The following CNKSR3 variants were observed in gnomAD, a reference collection of about 807,000 sequenced individuals.
CNKSR3 encodes connector enhancer of kinase suppressor of ras 3.
A neutral mutation model predicts 67.7 loss-of-function variants in CNKSR3; 36 were observed. The observed-to-expected ratio is 0.53, with a 90% CI of 0.41 to 0.70. CNKSR3 has a LOEUF of 0.70. CNKSR3 is among the 30% of genes least tolerant of loss of function. CNKSR3 has a pLI of 0.00. For missense variants in CNKSR3, 630 were observed against 695.2 expected, an observed-to-expected ratio of 0.91 and a Z score of 1.05; for synonymous variants, 281 against 271.4, an observed-to-expected ratio of 1.04 and a Z score of -0.35.
chr6:154,449,153 T>G (rs1785770431), intron 2 of CNKSR3, among the ~76,000 whole-genome samples: 1 of 152,248 alleles, frequency 6.6e-6, no homozygotes, highest in Non-Finnish European at 1.5e-5. Flanking sequence ...AAACCCATCA[T>G]CTACAAAATG....
At chr6:154,433,663 G>A (rs2128716139) in intron 4 of CNKSR3, 156 bp from the exon 5 acceptor site, 2 of 617,726 alleles carry the variant, frequency 3.2e-6, no homozygotes, top group East Asian at 2.8e-5. Flanking sequence ...GGGAATGAGA[G>A]GGCAGAGTGG....
At chr6:154,428,243 C>A (rs892282061) in intron 6 of CNKSR3, 56 bp from the exon 7 acceptor site, 3 of 1,060,076 alleles carry the variant, frequency 2.8e-6, no homozygotes, top group Non-Finnish European at 4.4e-6. Flanking sequence ...AGACATAGCC[C>A]CGAGTGAGAC....
At position 154,405,727 on chromosome 6, in the gene CNKSR3, G is replaced by A. The variant is rs1191681838; in HGVS notation, c.*627C>T. 1.3e-5 allele frequency: 2 copies of A among 152,160 alleles called. No individual in the cohort carries two copies. The highest frequency in any genetic ancestry group is 2.9e-5 in the Non-Finnish European group (2 of 68,096). The allele number at this position is 152,160 out of a possible 1,614,324, so 9.4% of individuals were successfully genotyped here. A position where few individuals can be genotyped will look rare whatever the true frequency, so the allele number is the denominator to read the frequency against. On this transcript the variant is annotated 3_prime_UTR_variant, in exon 13 of 13. Transcript: ENST00000607772. ...TGTGTGAAATAAGCCCTATCAAAAT[G>A]TGTTCATGTATTTCTGTACCAACTG...
chr6:154,416,398 C>T (rs73011467), intron 9 of CNKSR3, among the ~76,000 whole-genome samples: 3 of 152,138 alleles, frequency 2.0e-5, no homozygotes, highest in Admixed American at 2.0e-4. Context: ...TCTATCAATT[C>T]TACTCAATTT....
intron 12 of CNKSR3, among the ~76,000 whole-genome samples, chr6:154,407,236 T>C (rs1311092661): frequency 4.6e-5 from 7 of 152,226 alleles, no homozygotes; most frequent in Non-Finnish European, 1.0e-4. Context: ...GTCCCCGCGA[T>C]GGCTGAACAG....
At chr6:154,500,494 G>C (rs755636116) in intron 1 of CNKSR3, among the ~76,000 whole-genome samples, 13 of 152,124 alleles carry the variant, frequency 8.5e-5, no homozygotes, top group Non-Finnish European at 1.5e-4. Flanking sequence ...ACTCACAGCT[G>C]GGTGTGAGCA....
At chr6:154,434,279 T>C (rs561302853) in intron 4 of CNKSR3, among the ~76,000 whole-genome samples, 8 of 150,852 alleles carry the variant, frequency 5.3e-5, no homozygotes, top group East Asian at 1.9e-4. Context: ...CTAGAACTCA[T>C]CTGTAGCAAA....
rs147578736 is a variant in CNKSR3, at chr6:154,508,987, T to G, written c.52+1076A>C. On this transcript the variant is annotated intron_variant, in intron 1 of 12. Transcript: ENST00000607772. ...TATTACCTACCTCACAGGCTTACTG[T>G]GATGACCAAGGACAATAACAGAGAG... Among the ~76,000 whole-genome samples the G allele has an allele frequency of 5.0e-3, 769 of 152,300 alleles. 5 individuals are homozygous for G. Among genetic ancestry groups the G allele is most frequent in the African/African-American group, 0.017 (721 of 41,544 alleles).
intron 7 of CNKSR3, 70 bp from the exon 8 acceptor site, chr6:154,423,053 T>C: frequency 9.4e-7 from 1 of 1,059,836 alleles, no homozygotes; most frequent in Non-Finnish European, 1.4e-6. Flanking sequence ...TTATTTCTTC[T>C]TTCTTCTGTA....
chr6:154,394,614 T>TAAAAAAAAAAAA lies in CNKSR3; in HGVS notation c.*11728_*11739dup, dbSNP rs67203207. ...TATAGCATGAGCCTAATACAAGAAG[T>TAAAAAAAAAAAA]AAAAAAAAAAAAAAAAAAAAAGAAG... On this transcript the variant is annotated 3_prime_UTR_variant, in exon 13 of 13. Transcript: ENST00000607772. 2.2e-4 allele frequency: 15 copies of TAAAAAAAAAAAA among 67,588 alleles called. No individual in the cohort carries two copies. The highest frequency in any genetic ancestry group is 3.8e-4 in the African/African-American group (7 of 18,314). The allele number at this position is 67,588 out of a possible 1,614,324, so 4.2% of individuals were successfully genotyped here. A position where few individuals can be genotyped will look rare whatever the true frequency, so the allele number is the denominator to read the frequency against.
In CNKSR3 at chr6:154,388,345, C is replaced by T. The variant is rs1784571225; in HGVS notation, c.*18009G>A. 1 of 152,134 alleles carries T rather than the reference C, an allele frequency of 6.6e-6. No homozygotes were observed. Among genetic ancestry groups the T allele is most frequent in the Non-Finnish European group, 1.5e-5 (1 of 68,018 alleles). The allele number at this position is 152,134 out of a possible 1,614,324, so 9.4% of individuals were successfully genotyped here. ...ATGTTGTTGAATAATTGCAGAATTT[C>T]CTTCTTTTTAAAAGCTAAATAGTAT... On this transcript the variant is annotated 3_prime_UTR_variant, in exon 13 of 13. Transcript: ENST00000607772.
chr6:154,463,320 G>A (rs113404799), intron 1 of CNKSR3, among the ~76,000 whole-genome samples: 3,172 of 152,084 alleles, frequency 0.021, 39 homozygotes, highest in Non-Finnish European at 0.029. Context: ...TGATCGGCCC[G>A]CCTCGGCCTC....
chr6:154,415,718 AG>A (rs1785011530), intron 9 of CNKSR3, among the ~76,000 whole-genome samples: 2 of 152,248 alleles, frequency 1.3e-5, no homozygotes, highest in South Asian at 2.1e-4. Context: ...CGTTTATTTT[AG>A]TACTATTTAT....
chr6:154,503,861 T>C (rs980210831), intron 1 of CNKSR3, among the ~76,000 whole-genome samples: 4 of 152,160 alleles, frequency 2.6e-5, no homozygotes, highest in Non-Finnish European at 5.9e-5. Context: ...ATAAAACAGC[T>C]GGAGTACATA....
At chr6:154,413,388 C>A (rs1251771214) in intron 10 of CNKSR3, among the ~76,000 whole-genome samples, 1 of 152,054 alleles carries the variant, frequency 6.6e-6, no homozygotes, top group Non-Finnish European at 1.5e-5. Context: ...CACAACCACA[C>A]CCAGCTAATT....
intron 1 of CNKSR3, among the ~76,000 whole-genome samples, chr6:154,498,931 A>G (rs372235346): frequency 1.5e-4 from 23 of 152,296 alleles, no homozygotes; most frequent in African/African-American, 4.6e-4. Context: ...TTTTCTCGCA[A>G]TGGAGGGGAG....
At chr6:154,423,577 A>C (rs1164914016) in intron 7 of CNKSR3, among the ~76,000 whole-genome samples, 3 of 152,164 alleles carry the variant, frequency 2.0e-5, no homozygotes, top group Non-Finnish European at 4.4e-5. Context: ...TGTCAAAATG[A>C]TTGGCTGATA....
chr6:154,455,977 TTAGAG>T, intron 1 of CNKSR3, among the ~76,000 whole-genome samples: 1 of 151,840 alleles, frequency 6.6e-6, no homozygotes, highest in African/African-American at 2.4e-5. Context: ...GACTAAGAAG[TTAGAG>T]TAAATGCCCC....
At position 154,414,408 on chromosome 6, in the gene CNKSR3, C is replaced by T. The variant is rs375414125; in HGVS notation, c.961G>A (p.Ala321Thr). 3.7e-5 allele frequency: 59 copies of T among 1,596,568 alleles called. No homozygotes were observed. The highest frequency in any genetic ancestry group is 4.7e-5 in the Non-Finnish European group (55 of 1,173,732). The change falls in exon 10 of 13, where the codon GCG becomes ACG. Residue 321 changes from alanine (A) to threonine (T), a missense_variant. Ala to Thr is a moderately conservative substitution (Grantham distance 58, BLOSUM62 0). This residue lies in a region of CNKSR3 where 133 missense variants were observed against 190.6 expected (regional missense o/e 0.70). Coordinates refer to ENST00000607772, the MANE Select transcript of CNKSR3 (RefSeq NM_173515.4). ...PPLVQTSPPPATTQSPESTMD... is the reference protein window; with the variant it reads ...PPLVQTSPPPTTTQSPESTMD... The stretch of plus-strand genomic sequence containing the variant: ...GTGCTTTCAGGGGACTGGGTTGTCG[C>T]GGGTGGAGGTGAGGTCTGAAACAGG...
Sources: gnomAD v4.1 joint callset for allele counts (sites outside exome capture counted in the v4.1 genomes callset) on GRCh38, gnomAD v4.1.1 for gene constraint, gnomAD v4.1.1 regional missense constraint, MANE v1.5 for transcripts, NCBI Gene and HGNC (gene_info 2026-07-23, HGNC 2026-07-21) for gene names.